The following PRKAG2 variants were observed in gnomAD, a reference collection of about 807,000 sequenced individuals.
PRKAG2 encodes 5'-AMP-activated protein kinase subunit gamma-2.
A neutral mutation model predicts 69.6 loss-of-function variants in PRKAG2; 26 were observed. That is an observed-to-expected ratio of 0.37 (90% CI 0.27 to 0.52). PRKAG2 has a LOEUF of 0.52. Among genes scored for constraint, PRKAG2 ranks in the 20% least tolerant of loss-of-function variants. PRKAG2 has a pLI of 0.90. For synonymous variants in PRKAG2, 293 were observed against 285.0 expected, an observed-to-expected ratio of 1.03 and a Z score of -0.28; for missense variants, 557 against 740.0, an observed-to-expected ratio of 0.75 and a Z score of 2.87.
chr7:151,634,793 C>T (rs779354910), intron 4 of PRKAG2, among the ~76,000 whole-genome samples: 39 of 151,902 alleles, frequency 2.6e-4, no homozygotes, highest in African/African-American at 7.2e-4. Flanking sequence ...TATATAAATG[C>T]GAATTAAAAC....
chr7:151,783,711 G>C (rs1165904863), intron 2 of PRKAG2, among the ~76,000 whole-genome samples: 1 of 151,748 alleles, frequency 6.6e-6, no homozygotes, highest in African/African-American at 2.4e-5. Context: ...ACCTGAGCTC[G>C]ACCAGCCTGG....
chr7:151,679,757 A>AG (rs1833550588), intron 3 of PRKAG2, among the ~76,000 whole-genome samples: 2 of 152,122 alleles, frequency 1.3e-5, no homozygotes, highest in Admixed American at 1.3e-4. Context: ...TCCATCCCTG[A>AG]GCAGGGCATG....
At chr7:151,824,921 A>G (rs542301700) in intron 1 of PRKAG2, among the ~76,000 whole-genome samples, 2 of 152,216 alleles carry the variant, frequency 1.3e-5, no homozygotes, top group East Asian at 3.9e-4. Context: ...AGCGCTTAAG[A>G]AGGTCATCTA....
At chr7:151,747,919 T>G in intron 3 of PRKAG2, among the ~76,000 whole-genome samples, 1 of 75,990 alleles carries the variant, frequency 1.3e-5, no homozygotes, top group Non-Finnish European at 2.3e-5. Context: ...AAAAACTTAC[T>G]TTTTTTTTTT....
intron 1 of PRKAG2, among the ~76,000 whole-genome samples, chr7:151,867,057 G>A (rs1043599520): frequency 6.6e-6 from 1 of 152,174 alleles, no homozygotes. Flanking sequence ...GGGAGGAGGG[G>A]ACGCAAGGAA....
intron 4 of PRKAG2, among the ~76,000 whole-genome samples, chr7:151,636,684 A>G (rs2151347403): frequency 6.6e-6 from 1 of 151,556 alleles, no homozygotes; most frequent in East Asian, 1.9e-4. Flanking sequence ...CCACAGGGTA[A>G]CCCTATGTTT....
intron 3 of PRKAG2, among the ~76,000 whole-genome samples, chr7:151,705,892 T>A (rs78951708): frequency 0.015 from 2,282 of 152,202 alleles, 73 homozygotes; most frequent in African/African-American, 0.052. Context: ...TTCCTACACA[T>A]GTTTTATGAT....
At chr7:151,772,188 C>T (rs894982529) in intron 3 of PRKAG2, among the ~76,000 whole-genome samples, 1 of 152,154 alleles carries the variant, frequency 6.6e-6, no homozygotes, top group African/African-American at 2.4e-5. Context: ...TAAGGTGAGT[C>T]CTTTCAGGAA....
At chr7:151,683,605 G>C (rs1169066674) in intron 3 of PRKAG2, among the ~76,000 whole-genome samples, 1 of 152,206 alleles carries the variant, frequency 6.6e-6, no homozygotes. Flanking sequence ...CTGGAGGGAG[G>C]CTTTGCTTAT....
rs1563659108 is a variant in PRKAG2 at position 151,781,283 on chromosome 7, T to C, written c.335A>G (p.Glu112Gly). Reference protein sequence around the residue: ...PKTVFPFSYQESPPRSPRRMS... With the variant: ...PKTVFPFSYQGSPPRSPRRMS... ...GCGTCGAGGGGAGCGTGGCGGGGAC[T>C]CCTGGTAGGAGAACGGGAACACGGT... Residue 112 changes from glutamate to glycine, a missense_variant, in exon 3 of 16, where the codon GAG becomes GGG. This residue lies in a region of PRKAG2 where 352 missense variants were observed against 356.7 expected (regional missense o/e 0.99). Transcript: ENST00000287878. The surrounding 1 kb of genome is among the most constrained non-coding windows in gnomAD (Gnocchi z 6.1). 1 of 1,614,078 alleles carries C rather than the reference T, an allele frequency of 6.2e-7. No homozygotes were observed. Among genetic ancestry groups the C allele is most frequent in the Non-Finnish European group, 8.5e-7 (1 of 1,180,044 alleles).
chr7:151,573,525 A>G (rs1808197019), intron 8 of PRKAG2, among the ~76,000 whole-genome samples: 1 of 151,800 alleles, frequency 6.6e-6, no homozygotes, highest in South Asian at 2.1e-4. Context: ...ATATTTAGAC[A>G]TAACTGCTTT....
At position 151,777,342 on chromosome 7, in the gene PRKAG2, T is replaced by C. The variant is rs1482169495; in HGVS notation, c.466+3810A>G. On this transcript the variant is annotated intron_variant, in intron 3 of 15. Coordinates refer to ENST00000287878, the MANE Select transcript of PRKAG2 (RefSeq NM_016203.4). The surrounding 1 kb of genome is among the most constrained non-coding windows in gnomAD (Gnocchi z 4.3). Reference sequence around the variant, plus strand: ...CTGGGAGTCTTGGATCCACCTCTGATAGAGGTTGAGTGTTTCTTCCCCGCT... The same window carrying C: ...CTGGGAGTCTTGGATCCACCTCTGACAGAGGTTGAGTGTTTCTTCCCCGCT... 6.6e-6 allele frequency among the ~76,000 whole-genome samples: 1 copy of C among 152,182 alleles called. No homozygotes were observed. Among genetic ancestry groups the C allele is most frequent in the Non-Finnish European group, 1.5e-5 (1 of 68,012 alleles).
intron 1 of PRKAG2, among the ~76,000 whole-genome samples, chr7:151,859,328 C>A (rs920895743): frequency 9.2e-5 from 14 of 152,222 alleles, no homozygotes; most frequent in African/African-American, 3.1e-4. Flanking sequence ...CGGAAAGCTG[C>A]GGCAACACCT....
At chr7:151,875,562 G>GGTGTGT (rs55660204) in intron 1 of PRKAG2, among the ~76,000 whole-genome samples, 7,100 of 130,956 alleles carry the variant, frequency 0.054, 221 homozygotes, top group South Asian at 0.073. Flanking sequence ...GGAGCACTCT[G>GGTGTGT]GTGTGTGTGT....
chr7:151,848,457 C>G, intron 1 of PRKAG2, among the ~76,000 whole-genome samples: 1 of 150,236 alleles, frequency 6.7e-6, no homozygotes, highest in South Asian at 2.1e-4. Flanking sequence ...AGAAATCACC[C>G]AGTCTCGGGT....
intron 3 of PRKAG2, chr7:151,735,785 C>T: frequency 7.3e-7 from 1 of 1,373,138 alleles, no homozygotes. Context: ...ATGTTATATC[C>T]CAGTTGGAAG....
intron 5 of PRKAG2, among the ~76,000 whole-genome samples, chr7:151,596,756 TAAAAATA>T (rs1036177378): frequency 6.9e-6 from 1 of 144,872 alleles, no homozygotes; most frequent in Non-Finnish European, 1.5e-5. Flanking sequence ...AAAAAATAAA[TAAAAATA>T]AAAAAAAAGA....
intron 3 of PRKAG2, among the ~76,000 whole-genome samples, chr7:151,685,467 T>C (rs909087251): frequency 4.6e-5 from 7 of 152,192 alleles, no homozygotes; most frequent in African/African-American, 1.7e-4. Context: ...TAAAATTTTC[T>C]CAGTTTTAAT....
intron 3 of PRKAG2, among the ~76,000 whole-genome samples, chr7:151,704,923 C>T (rs986533009): frequency 6.6e-6 from 1 of 152,174 alleles, no homozygotes; most frequent in African/African-American, 2.4e-5. Context: ...CAGACCACGT[C>T]CCCAAAATGT....
Sources: gnomAD v4.1 joint callset for allele counts (sites outside exome capture counted in the v4.1 genomes callset) on GRCh38, gnomAD v4.1.1 for gene constraint, gnomAD v4.1.1 regional missense constraint, Gnocchi (gnomAD v3.1) non-coding constraint, MANE v1.5 for transcripts, NCBI Gene and HGNC (gene_info 2026-07-23, HGNC 2026-07-21) for gene names.